Variants in CNTN5 observed in about 807,000 individuals in gnomAD.
CNTN5 encodes the protein contactin-5.
A neutral mutation model predicts 129.1 loss-of-function variants in CNTN5; 77 were observed. That is an observed-to-expected ratio of 0.60 (90% CI 0.50 to 0.72). The LOEUF is 0.72. Among genes scored for constraint, CNTN5 ranks in the 30% least tolerant of loss-of-function variants. CNTN5 has a pLI of 0.00. For missense variants in CNTN5, 1,478 were observed against 1,328.8 expected, an observed-to-expected ratio of 1.11 and a Z score of -1.75; for synonymous variants, 509 against 465.6, an observed-to-expected ratio of 1.09 and a Z score of -1.20.
At chr11:99,145,938 T>A (rs886161175) in intron 1 of CNTN5, among the ~76,000 whole-genome samples, 2 of 152,122 alleles carry the variant, frequency 1.3e-5, no homozygotes, top group Admixed American at 6.6e-5. Flanking sequence ...AGTGTAAGTA[T>A]GTTGATTTTT....
At chr11:99,632,900 G>A (rs568364102) in intron 3 of CNTN5, among the ~76,000 whole-genome samples, 1 of 152,030 alleles carries the variant, frequency 6.6e-6, no homozygotes, top group East Asian at 1.9e-4. Context: ...TCTTGGGGGG[G>A]TTACAAAAAT....
chr11:99,230,639 C>T (rs907215502), intron 1 of CNTN5, among the ~76,000 whole-genome samples: 1 of 152,052 alleles, frequency 6.6e-6, no homozygotes, highest in Non-Finnish European at 1.5e-5. Context: ...TAAACATATT[C>T]TCTTTCTTTT....
intron 1 of CNTN5, among the ~76,000 whole-genome samples, chr11:99,089,603 T>C (rs997132469): frequency 6.6e-6 from 1 of 152,192 alleles, no homozygotes. Flanking sequence ...CTGAAGAAAG[T>C]CATTTCGCAT....
chr11:99,033,487 C>T (rs1391173491), intron 1 of CNTN5, among the ~76,000 whole-genome samples: 5 of 152,206 alleles, frequency 3.3e-5, no homozygotes, highest in East Asian at 1.9e-4. Context: ...CCTTCACATC[C>T]GTTGTAAGTT....
chr11:99,439,721 A>AG lies in CNTN5; in HGVS notation c.-71+114237_-71+114238insG, dbSNP rs1555145293. Among the ~76,000 whole-genome samples the AG allele has an allele frequency of 1.6e-4, 23 of 145,736 alleles. 1 individual carries two copies. In the South Asian group the frequency reaches 3.5e-3, roughly 22 times the overall value. On this transcript the variant is annotated intron_variant, in intron 2 of 24. Transcript: ENST00000524871. ...AGACTCTGTCTCAAAAAAAAAAAAA[A>AG]AAAAGAAAAAGAAAAAAAGAAATAT...
At chr11:99,309,861 G>T (rs546404228) in intron 1 of CNTN5, among the ~76,000 whole-genome samples, 18 of 151,932 alleles carry the variant, frequency 1.2e-4, no homozygotes, top group Non-Finnish European at 2.2e-4. Flanking sequence ...CAAAGTTATT[G>T]TACTGCGTGA....
At chr11:99,817,606 T>TTG (rs1946633512) in intron 3 of CNTN5, among the ~76,000 whole-genome samples, 1 of 147,456 alleles carries the variant, frequency 6.8e-6, no homozygotes, top group African/African-American at 2.5e-5. Flanking sequence ...GTTTTTTTTT[T>TTG]TTTTTTTTTT....
chr11:99,773,065 C>A (rs183702265), intron 3 of CNTN5, among the ~76,000 whole-genome samples: 5 of 152,102 alleles, frequency 3.3e-5, no homozygotes, highest in Admixed American at 1.3e-4. Context: ...AACCAACAAC[C>A]AGATTAGGAA....
chr11:99,703,901 A>G (rs1434100732), intron 3 of CNTN5, among the ~76,000 whole-genome samples: 2 of 151,114 alleles, frequency 1.3e-5, no homozygotes, highest in Non-Finnish European at 3.0e-5. Flanking sequence ...TGTATGATAT[A>G]TAAGAAATGA....
At chr11:99,509,134 A>C (rs183122155) in intron 2 of CNTN5, among the ~76,000 whole-genome samples, 78 of 152,338 alleles carry the variant, frequency 5.1e-4, no homozygotes, top group African/African-American at 1.7e-3. Flanking sequence ...ATAAATCATC[A>C]TGTTGTACTA....
intron 3 of CNTN5, among the ~76,000 whole-genome samples, chr11:99,683,563 G>C (rs1953653746): frequency 6.6e-6 from 1 of 151,674 alleles, no homozygotes; most frequent in Non-Finnish European, 1.5e-5. Flanking sequence ...TTTTTACTTG[G>C]TTGGCCACTT....
intron 3 of CNTN5, among the ~76,000 whole-genome samples, chr11:99,621,158 T>C (rs921005314): frequency 1.3e-5 from 2 of 152,168 alleles, no homozygotes; most frequent in African/African-American, 4.8e-5. Context: ...GCATGTAGGA[T>C]TGGAACCATT....
chr11:100,356,462 G>T lies in CNTN5; in HGVS notation c.*242G>T. On this transcript the variant is annotated 3_prime_UTR_variant, in exon 25 of 25. Transcript: ENST00000524871. ...TAAAAATATGCAGATTGTATGTAAT[G>T]AATTTTTGTAAACAAAGGTAATTTC... is the stretch of plus-strand genomic sequence containing the variant. 1 of 485,682 alleles carries T rather than the reference G, an allele frequency of 2.1e-6. No homozygotes were observed. The highest frequency in any genetic ancestry group is 3.6e-6 in the Non-Finnish European group (1 of 274,168). The allele number at this position is 485,682 out of a possible 1,614,324, so 30.1% of individuals were successfully genotyped here.
chr11:99,109,387 T>C (rs2135377546), intron 1 of CNTN5, among the ~76,000 whole-genome samples: 1 of 152,240 alleles, frequency 6.6e-6, no homozygotes, highest in African/African-American at 2.4e-5. Flanking sequence ...CATTTTTTCA[T>C]ATGGTGCTTA....
At chr11:99,829,206 C>T (rs1023583637) in intron 4 of CNTN5, among the ~76,000 whole-genome samples, 6 of 152,118 alleles carry the variant, frequency 3.9e-5, no homozygotes, top group Non-Finnish European at 7.4e-5. Context: ...TTCTAATCTA[C>T]TTAAAAATAT....
intron 3 of CNTN5, among the ~76,000 whole-genome samples, chr11:99,780,008 C>T (rs965991302): frequency 3.3e-5 from 5 of 151,832 alleles, no homozygotes; most frequent in African/African-American, 7.3e-5. Context: ...GATACGTATA[C>T]GTGAAGAGGG....
intron 13 of CNTN5, among the ~76,000 whole-genome samples, chr11:100,092,329 GTGAAGCATC>G (rs1944819775): frequency 6.6e-6 from 1 of 152,114 alleles, no homozygotes; most frequent in Non-Finnish European, 1.5e-5. Context: ...CATTTACCCG[GTGAAGCATC>G]TGCAAAGCCT....
At chr11:99,483,082 A>G (rs893072413) in intron 2 of CNTN5, among the ~76,000 whole-genome samples, 6 of 143,578 alleles carry the variant, frequency 4.2e-5, no homozygotes, top group African/African-American at 1.3e-4. Flanking sequence ...AGGCTGAGGC[A>G]GGAGAATGGC....
intron 13 of CNTN5, among the ~76,000 whole-genome samples, chr11:100,117,406 A>G (rs951087645): frequency 5.9e-5 from 9 of 152,018 alleles, no homozygotes. Context: ...TATTTATGTT[A>G]TGGAACTCTG....
Sources: gnomAD v4.1 joint callset for allele counts (sites outside exome capture counted in the v4.1 genomes callset) on GRCh38, gnomAD v4.1.1 for gene constraint, MANE v1.5 for transcripts, NCBI Gene and HGNC (gene_info 2026-07-23, HGNC 2026-07-21) for gene names.